YES1: variants seen among roughly 807,000 people sequenced by gnomAD.
The protein encoded by YES1 is YES proto-oncogene 1, Src family tyrosine kinase.
In YES1, 39 loss-of-function variants were observed where a neutral mutation model predicts 70.4. The observed-to-expected ratio is 0.55, with a 90% CI of 0.43 to 0.72. The LOEUF is 0.72. YES1 is among the 30% of genes least tolerant of loss of function. YES1 has a pLI of 0.00. For missense variants in YES1, 495 were observed against 644.8 expected (o/e 0.77, Z 2.52); for synonymous variants, 198 against 218.6 (o/e 0.91, Z 0.83).
At chr18:737,093 A>G (rs2080162860) in intron 9 of YES1, 132 bp from the exon 10 acceptor site, 1 of 765,890 alleles carries the variant, frequency 1.3e-6, no homozygotes, top group African/African-American at 1.8e-5. Flanking sequence ...GTAACAGGGT[A>G]TAGTCTAGAA....
intron 1 of YES1, among the ~76,000 whole-genome samples, chr18:770,968 C>T (rs1042244928): frequency 2.6e-5 from 4 of 150,992 alleles, no homozygotes; most frequent in African/African-American, 7.3e-5. Flanking sequence ...TAGGTACCAC[C>T]GCACTCTGCT....
intron 1 of YES1, among the ~76,000 whole-genome samples, chr18:778,643 G>C (rs1304076437): frequency 6.6e-6 from 1 of 152,048 alleles, no homozygotes; most frequent in Non-Finnish European, 1.5e-5. Context: ...TAAATCTTTA[G>C]GAAATCCTAG....
At chr18:812,455 G>T (rs967422679), upstream of YES1, 2 of 152,092 alleles carry the variant, frequency 1.3e-5, no homozygotes, top group African/African-American at 4.8e-5. Context: ...CAGCCTTCCG[G>T]CGCCTACGCC....
Position 745,933 on chromosome 18 carries a change from T to G in YES1, c.574+15A>C. ...AAGAAATTTTATACTTATACTAATATAACAATATTCATACCTTTAGTTGTT... is the reference window on the plus strand; with the variant it reads ...AAGAAATTTTATACTTATACTAATAGAACAATATTCATACCTTTAGTTGTT... On this transcript the variant is annotated intron_variant, in intron 5 of 11. Transcript: ENST00000314574. The G allele has an allele frequency of 6.2e-7, 1 of 1,604,252 alleles. No homozygotes were observed. Among genetic ancestry groups the G allele is most frequent in the Non-Finnish European group, 8.5e-7 (1 of 1,174,558 alleles).
At chr18:742,045 C>T (rs889785229) in intron 8 of YES1, among the ~76,000 whole-genome samples, 6 of 152,096 alleles carry the variant, frequency 3.9e-5, no homozygotes, top group Admixed American at 2.6e-4. Context: ...GGAACTACAT[C>T]ATTGACCAAG....
At chr18:800,719 A>C (rs756033072) in intron 1 of YES1, among the ~76,000 whole-genome samples, 1 of 152,240 alleles carries the variant, frequency 6.6e-6, no homozygotes, top group Non-Finnish European at 1.5e-5. Flanking sequence ...GTAGCTTCTG[A>C]TGAGACTCTT....
At chr18:734,940 C>G (rs2080134898) in intron 10 of YES1, among the ~76,000 whole-genome samples, 2 of 151,924 alleles carry the variant, frequency 1.3e-5, no homozygotes, top group Non-Finnish European at 2.9e-5. Context: ...TGTGGATCAC[C>G]TGAGGTCAGG....
intron 11 of YES1, among the ~76,000 whole-genome samples, chr18:725,407 C>T (rs2080005739): frequency 6.6e-6 from 1 of 151,998 alleles, no homozygotes; most frequent in Non-Finnish European, 1.5e-5. Context: ...CTATGATTCT[C>T]TAAAGAAAAT....
At chr18:758,625 C>G (rs1904413392) in intron 1 of YES1, among the ~76,000 whole-genome samples, 1 of 152,204 alleles carries the variant, frequency 6.6e-6, no homozygotes, top group Non-Finnish European at 1.5e-5. Flanking sequence ...TGTTACTTTT[C>G]CATTCAGGCT....
chr18:797,993 G>T (rs1048594972), intron 1 of YES1: 1 of 152,034 alleles, frequency 6.6e-6, no homozygotes, highest in Non-Finnish European at 1.5e-5. Context: ...AAATGACAGG[G>T]GAAAGCACGA....
At chr18:792,414 T>A (rs936768420) in intron 1 of YES1, among the ~76,000 whole-genome samples, 14 of 152,194 alleles carry the variant, frequency 9.2e-5, no homozygotes, top group Admixed American at 3.9e-4. Context: ...ACATCTGTAG[T>A]CCCAGCTACT....
intron 10 of YES1, chr18:736,495 A>T: frequency 4.9e-6 from 1 of 205,012 alleles, no homozygotes; most frequent in South Asian, 1.0e-4. Context: ...ACAGGGCAAT[A>T]TCTCCTCTGA....
At chr18:732,783 C>T (rs1188262810) in intron 11 of YES1, 51 bp downstream of exon 11, 1 of 1,612,434 alleles carries the variant, frequency 6.2e-7, no homozygotes, top group Non-Finnish European at 8.5e-7. Context: ...CTAATAAACT[C>T]CTGATAAAGC....
intron 1 of YES1, among the ~76,000 whole-genome samples, chr18:780,507 C>T (rs1458917515): frequency 6.6e-6 from 1 of 152,110 alleles, no homozygotes; most frequent in African/African-American, 2.4e-5. Flanking sequence ...AAGAGTCCTA[C>T]CAGCAAGAAA....
At chr18:731,219 T>C (rs1207923116) in intron 11 of YES1, among the ~76,000 whole-genome samples, 1 of 152,280 alleles carries the variant, frequency 6.6e-6, no homozygotes, top group East Asian at 1.9e-4. Context: ...ATGGAAAGAC[T>C]GGCTAAGGTA....
chr18:735,803 T>C (rs1395007491), intron 10 of YES1: 1 of 152,034 alleles, frequency 6.6e-6, no homozygotes, highest in Admixed American at 6.6e-5. Flanking sequence ...ACTAAAGAAC[T>C]AGTTTCCCAA....
chr18:746,569 G>C (rs544446597), intron 4 of YES1, among the ~76,000 whole-genome samples: 113 of 152,120 alleles, frequency 7.4e-4, no homozygotes, highest in Non-Finnish European at 1.2e-3. Context: ...AAGACAAAAG[G>C]ACAAAACAAA....
intron 9 of YES1, 184 bp downstream of exon 9, chr18:739,551 C>T (rs562681950): frequency 4.4e-5 from 19 of 427,046 alleles, no homozygotes; most frequent in South Asian, 2.5e-4. Context: ...TCTTCAAGCA[C>T]GGAGCTATCA....
At chr18:789,593 CAAAAACCCCCAAAACAA>C (rs1906136401) in intron 1 of YES1, among the ~76,000 whole-genome samples, 1 of 151,974 alleles carries the variant, frequency 6.6e-6, no homozygotes, top group African/African-American at 2.4e-5. Context: ...AAAACAAAAA[CAAAAACCCCCAAAACAA>C]AAAAACCCAA....
Sources: gnomAD v4.1 joint callset for allele counts (sites outside exome capture counted in the v4.1 genomes callset) on GRCh38, gnomAD v4.1.1 for gene constraint, MANE v1.5 for transcripts, NCBI Gene and HGNC (gene_info 2026-07-23, HGNC 2026-07-21) for gene names.